PTPRT: variants seen among roughly 807,000 people sequenced by gnomAD.
The protein encoded by PTPRT is receptor-type tyrosine-protein phosphatase T.
PTPRT carries 56 observed loss-of-function variants against 176.8 expected under a neutral mutation model. That is an observed-to-expected ratio of 0.32 (90% CI 0.26 to 0.40). The LOEUF is 0.40. Among genes scored for constraint, PTPRT ranks in the 10% least tolerant of loss-of-function variants. The probability of loss-of-function intolerance (pLI) is 1.00; values close to 1 mark genes in which losing one functional copy is unlikely to be tolerated. For missense variants in PTPRT, 1,540 were observed against 1,908.2 expected (o/e 0.81, Z 3.60); for synonymous variants, 783 against 739.0 (o/e 1.06, Z -0.96).
chr20:43,059,838 G>A (rs970005908), intron 1 of PTPRT, among the ~76,000 whole-genome samples: 7 of 152,012 alleles, frequency 4.6e-5, no homozygotes, highest in Admixed American at 1.3e-4. Context: ...AATTACCTGG[G>A]CATGGTGGTA....
At chr20:43,126,264 T>A (rs2013434360) in intron 1 of PTPRT, among the ~76,000 whole-genome samples, 1 of 151,068 alleles carries the variant, frequency 6.6e-6, no homozygotes, top group Non-Finnish European at 1.5e-5. Flanking sequence ...GGCAGGAGAA[T>A]CGCTTGAACC....
chr20:42,393,647 T>C (rs1403449973), intron 9 of PTPRT, among the ~76,000 whole-genome samples: 2 of 152,204 alleles, frequency 1.3e-5, no homozygotes, highest in Admixed American at 1.3e-4. Flanking sequence ...ACCATATTTA[T>C]TGTAGTATTT....
intron 16 of PTPRT, among the ~76,000 whole-genome samples, chr20:42,177,258 G>A (rs1176528908): frequency 2.0e-5 from 3 of 152,172 alleles, no homozygotes; most frequent in Non-Finnish European, 4.4e-5. Context: ...ACCACACCTT[G>A]AGTAGTGAGG....
chr20:43,009,246 A>G (rs1331551031), intron 1 of PTPRT, among the ~76,000 whole-genome samples: 1 of 152,188 alleles, frequency 6.6e-6, no homozygotes, highest in Non-Finnish European at 1.5e-5. Context: ...TTCATCTCTC[A>G]ATCCATCTAT....
At chr20:42,217,349 T>A (rs1018562131) in intron 15 of PTPRT, among the ~76,000 whole-genome samples, 1 of 146,654 alleles carries the variant, frequency 6.8e-6, no homozygotes, top group Non-Finnish European at 1.5e-5. Flanking sequence ...CACTCCAGCC[T>A]GGGGGATAGA....
At chr20:43,132,358 G>A (rs2013671610) in intron 1 of PTPRT, among the ~76,000 whole-genome samples, 1 of 152,018 alleles carries the variant, frequency 6.6e-6, no homozygotes, top group Non-Finnish European at 1.5e-5. Flanking sequence ...AATGGAAAAA[G>A]ATATTTCTCA....
At chr20:42,941,081 C>CAAAAA (rs540543601) in intron 1 of PTPRT, among the ~76,000 whole-genome samples, 28 of 148,082 alleles carry the variant, frequency 1.9e-4, no homozygotes, top group African/African-American at 7.0e-4. Context: ...GACTCCATCT[C>CAAAAA]AAAAAAAAAT....
chr20:42,406,932 C>T (rs902179096), intron 9 of PTPRT, among the ~76,000 whole-genome samples: 1 of 152,124 alleles, frequency 6.6e-6, no homozygotes, highest in African/African-American at 2.4e-5. Context: ...TAGCTATTTT[C>T]CCTTCTTCTG....
At chr20:42,182,400 G>T (rs1052844098) in intron 16 of PTPRT, among the ~76,000 whole-genome samples, 1 of 152,176 alleles carries the variant, frequency 6.6e-6, no homozygotes, top group African/African-American at 2.4e-5. Context: ...TGATGGGATA[G>T]AATAAGAAGG....
In PTPRT at chr20:43,005,130, ACCCAGGAACCAG is replaced by A. The variant is rs571362260; in HGVS notation, c.89-119210_89-119199del. Among the ~76,000 whole-genome samples the A allele has an allele frequency of 8.3e-3, 1,258 of 152,070 alleles. 9 individuals carry two copies. The highest frequency in any genetic ancestry group is 0.027 in the Middle Eastern group (8 of 294). ...ATCCCCTCCTTTGCATCTCACCAGC[ACCCAGGAACCAG>A]GGTGCTTTTTAAAAAAACACACAAG... On this transcript the variant is annotated intron_variant, in intron 1 of 30. Coordinates refer to ENST00000373187, the MANE Select transcript of PTPRT (RefSeq NM_007050.6).
chr20:42,540,875 G>A (rs1234838595), intron 7 of PTPRT, among the ~76,000 whole-genome samples: 2 of 152,258 alleles, frequency 1.3e-5, no homozygotes, highest in African/African-American at 4.8e-5. Flanking sequence ...GGGAAGGTAG[G>A]TGGAAGGGAT....
At chr20:42,957,084 T>C (rs770732555) in intron 1 of PTPRT, among the ~76,000 whole-genome samples, 1 of 152,140 alleles carries the variant, frequency 6.6e-6, no homozygotes, top group Non-Finnish European at 1.5e-5. Flanking sequence ...CAAGTGACTT[T>C]TGTGGTCACT....
At chr20:42,739,130 CT>C (rs2076573597) in intron 6 of PTPRT, among the ~76,000 whole-genome samples, 1 of 152,176 alleles carries the variant, frequency 6.6e-6, no homozygotes. Flanking sequence ...TCAAAGAATA[CT>C]CAAAGGAAAA....
chr20:42,821,482 T>C (rs1373349301), intron 2 of PTPRT, among the ~76,000 whole-genome samples: 2 of 152,186 alleles, frequency 1.3e-5, no homozygotes, highest in African/African-American at 4.8e-5. Context: ...GCTGGAAGCA[T>C]TCCCTTTGAA....
intron 1 of PTPRT, among the ~76,000 whole-genome samples, chr20:43,038,339 TACA>T (rs1228219382): frequency 1.3e-5 from 2 of 152,222 alleles, no homozygotes; most frequent in Non-Finnish European, 2.9e-5. Flanking sequence ...TAAAGTTAAT[TACA>T]ACAATGGTTT....
chr20:42,301,523 G>T (rs1385355479), intron 12 of PTPRT, among the ~76,000 whole-genome samples: 1 of 152,146 alleles, frequency 6.6e-6, no homozygotes, highest in Non-Finnish European at 1.5e-5. Context: ...TGGCAAAACT[G>T]AGGCTAGTAG....
intron 2 of PTPRT, among the ~76,000 whole-genome samples, chr20:42,841,882 A>T (rs959066479): frequency 6.6e-6 from 1 of 152,212 alleles, no homozygotes; most frequent in Admixed American, 6.5e-5. Context: ...ACTCTCCTTA[A>T]AACACTGCAA....
chr20:42,927,445 C>T (rs1419792410), intron 1 of PTPRT, among the ~76,000 whole-genome samples: 1 of 152,164 alleles, frequency 6.6e-6, no homozygotes, highest in Non-Finnish European at 1.5e-5. Flanking sequence ...GCCCGTAATC[C>T]AAGCTACTTG....
At chr20:42,874,455 C>A (rs545895338) in intron 2 of PTPRT, among the ~76,000 whole-genome samples, 1 of 152,046 alleles carries the variant, frequency 6.6e-6, no homozygotes, top group Non-Finnish European at 1.5e-5. Flanking sequence ...AAAAAGTTTT[C>A]GGGCAACTTT....
Sources: allele counts gnomAD v4.1 joint callset (sites outside exome capture counted in the v4.1 genomes callset), GRCh38; gene constraint gnomAD v4.1.1; transcripts MANE v1.5; gene names NCBI Gene and HGNC (gene_info 2026-07-23, HGNC 2026-07-21).